TPO: variants seen among roughly 807,000 people sequenced by gnomAD.
TPO encodes thyroid microsomal antigen.
Under a neutral mutation model 96.9 loss-of-function variants are expected in TPO, and 78 were observed. The ratio of observed to expected loss-of-function variants is 0.81; its 90% CI spans 0.67 to 0.97. The LOEUF is 0.97. TPO is among the 50% of genes least tolerant of loss of function. The probability of loss-of-function intolerance (pLI) is 0.00; values close to 1 mark genes in which losing one functional copy is unlikely to be tolerated. For synonymous variants in TPO, 547 were observed against 538.0 expected, an observed-to-expected ratio of 1.02 and a Z score of -0.23; for missense variants, 1,252 against 1,274.8, an observed-to-expected ratio of 0.98 and a Z score of 0.27.
chr2:1,457,941 GAT>G (rs1313385334), intron 7 of TPO, among the ~76,000 whole-genome samples: 2 of 150,662 alleles, frequency 1.3e-5, no homozygotes, highest in Non-Finnish European at 3.0e-5. Flanking sequence ...TGGCACATAA[GAT>G]AGTGTGTGGG....
chr2:1,380,906 G>A (rs1558241559), intron 1 of TPO, among the ~76,000 whole-genome samples: 2 of 152,128 alleles, frequency 1.3e-5, no homozygotes, highest in Non-Finnish European at 2.9e-5. Flanking sequence ...GAAGGCAGAG[G>A]GTAAGCAGGT....
chr2:1,434,071 C>G (rs1330440128), intron 4 of TPO, among the ~76,000 whole-genome samples: 1 of 152,162 alleles, frequency 6.6e-6, no homozygotes, highest in Non-Finnish European at 1.5e-5. Context: ...ATTTACTCAT[C>G]TCTAAAATGA....
At chr2:1,495,939 TG>T (rs768701530) in intron 11 of TPO, 49 bp from the exon 12 acceptor site, 2 of 1,584,984 alleles carry the variant, frequency 1.3e-6, no homozygotes, top group Admixed American at 1.7e-5. Flanking sequence ...GTGCCTGCCC[TG>T]GGGGTTCTCC....
intron 3 of TPO, among the ~76,000 whole-genome samples, chr2:1,432,076 C>A (rs1261351402): frequency 6.6e-6 from 1 of 152,262 alleles, no homozygotes; most frequent in Non-Finnish European, 1.5e-5. Flanking sequence ...AGAGGCCCCG[C>A]CCTGCAGGCG....
chr2:1,390,068 G>A (rs540883719), intron 1 of TPO, among the ~76,000 whole-genome samples: 50 of 149,206 alleles, frequency 3.4e-4, no homozygotes, highest in African/African-American at 9.9e-4. Flanking sequence ...CATGCACAAC[G>A]TGCAGGTTTG....
chr2:1,473,633 T>C (rs1669635489), intron 7 of TPO, among the ~76,000 whole-genome samples: 1 of 152,226 alleles, frequency 6.6e-6, no homozygotes, highest in Admixed American at 6.5e-5. Context: ...AATTTATACA[T>C]TCATTTAGAG....
chr2:1,470,986 T>G (rs1256746692), intron 7 of TPO, among the ~76,000 whole-genome samples: 1 of 152,244 alleles, frequency 6.6e-6, no homozygotes, highest in Non-Finnish European at 1.5e-5. Flanking sequence ...ATTCTTGGAT[T>G]GAATTTGCTA....
intron 3 of TPO, among the ~76,000 whole-genome samples, chr2:1,431,023 G>A (rs1361077266): frequency 6.6e-6 from 1 of 152,182 alleles, no homozygotes; most frequent in African/African-American, 2.4e-5. Flanking sequence ...TTGTATTTTG[G>A]AATGTGAGAA....
At chr2:1,480,589 C>CACACACACACAT (rs1670461315) in intron 8 of TPO, among the ~76,000 whole-genome samples, 1 of 149,070 alleles carries the variant, frequency 6.7e-6, no homozygotes, top group Non-Finnish European at 1.5e-5. Context: ...CACACACACA[C>CACACACACACAT]ACACACACAC....
intron 1 of TPO, among the ~76,000 whole-genome samples, chr2:1,383,656 C>A (rs1049341345): frequency 6.6e-6 from 1 of 152,054 alleles, no homozygotes; most frequent in African/African-American, 2.4e-5. Context: ...CAAAAATTTT[C>A]TCCCATTCTG....
chr2:1,457,597 A>G (rs1450157184), intron 7 of TPO, among the ~76,000 whole-genome samples: 2 of 151,188 alleles, frequency 1.3e-5, no homozygotes, highest in African/African-American at 4.9e-5. Context: ...GTACACATAT[A>G]TGTAGCATGT....
chr2:1,510,210 A>G (rs747869509), intron 14 of TPO, among the ~76,000 whole-genome samples: 56 of 152,132 alleles, frequency 3.7e-4, no homozygotes, highest in Non-Finnish European at 7.2e-4. Flanking sequence ...TGTGAATTGC[A>G]AAGGTAGCCA....
Position 1,490,061 on chromosome 2 carries a change from C to T in TPO, c.1768+2070C>T, listed in dbSNP as rs77135073. The stretch of plus-strand genomic sequence containing the variant: ...AGTCGCGACACAGCAGTGTAAGAGC[C>T]GCCACGAGGGTCCCACACAGGGGGA... On this transcript the variant is annotated intron_variant, in intron 10 of 16. Coordinates refer to ENST00000329066, the MANE Select transcript of TPO (RefSeq NM_001206744.2). 9.5e-4 allele frequency among the ~76,000 whole-genome samples: 62 copies of T among 65,246 alleles called. No individual in the cohort carries two copies. In the South Asian group the frequency reaches 0.022, roughly 24 times the overall value. The allele number at this position is 65,246 out of a possible 152,430, so 42.8% of individuals were successfully genotyped here.
At chr2:1,392,206 A>G (rs927222182) in intron 1 of TPO, among the ~76,000 whole-genome samples, 1 of 152,204 alleles carries the variant, frequency 6.6e-6, no homozygotes, top group African/African-American at 2.4e-5. Flanking sequence ...GAGAGTTTTT[A>G]GCAGGAAAGG....
At chr2:1,438,039 G>A in intron 5 of TPO, among the ~76,000 whole-genome samples, 1 of 152,058 alleles carries the variant, frequency 6.6e-6, no homozygotes, top group Non-Finnish European at 1.5e-5. Context: ...GGGGCTGGAG[G>A]GCCTGGGTGG....
At chr2:1,443,987 G>C (rs979152973) in intron 5 of TPO, among the ~76,000 whole-genome samples, 2 of 134,816 alleles carry the variant, frequency 1.5e-5, no homozygotes, top group Admixed American at 7.5e-5. Flanking sequence ...GTTCTTGTTT[G>C]TATGATCCAA....
rs543143182 is a variant in TPO at position 1,385,343 on chromosome 2, CT to C, written n.180+10948del. ...GGCTGTGAATCTGTCCAGTCCTGGA[CT>C]TTTTTTGGTTGGTAAGCTATTAATT... On this transcript the variant is annotated intron_variant and non_coding_transcript_variant, in intron 1 of 5. Transcript: ENST00000497517. Among the ~76,000 whole-genome samples, 89 of 152,166 alleles carry C rather than the reference CT, an allele frequency of 5.8e-4. 2 individuals are homozygous for C. In the South Asian group the frequency reaches 0.018, roughly 31 times the overall value.
intron 7 of TPO, among the ~76,000 whole-genome samples, chr2:1,458,163 G>C (rs377339745): frequency 1.3e-5 from 2 of 151,486 alleles, no homozygotes; most frequent in African/African-American, 2.4e-5. Flanking sequence ...GTGTGGACAC[G>C]TGTGTATATA....
chr2:1,430,561 A>G (rs1401221075), intron 3 of TPO, among the ~76,000 whole-genome samples: 8 of 152,216 alleles, frequency 5.3e-5, no homozygotes, highest in Non-Finnish European at 1.0e-4. Context: ...TGCAGACCCC[A>G]GAATTGTAGA....
Sources: gnomAD v4.1 joint callset for allele counts (sites outside exome capture counted in the v4.1 genomes callset) on GRCh38, gnomAD v4.1.1 for gene constraint, MANE v1.5 for transcripts, NCBI Gene and HGNC (gene_info 2026-07-23, HGNC 2026-07-21) for gene names.